Variants in ANXA8 observed in about 807,000 individuals in gnomAD.
The protein encoded by ANXA8 is annexin A8.
Under a neutral mutation model 26.8 loss-of-function variants are expected in ANXA8, and 9 were observed. That is an observed-to-expected ratio of 0.34 (90% CI 0.20 to 0.59). The LOEUF is 0.59. ANXA8 is among the 20% of genes least tolerant of loss of function. The pLI, the probability that ANXA8 is intolerant of heterozygous loss-of-function variation, is 0.84. For missense variants in ANXA8, 83 were observed against 238.5 expected (o/e 0.35, Z 4.29); for synonymous variants, 39 against 94.8 (o/e 0.41, Z 3.42).
chr10:47,657,309 G>A, the ANXA8 span, among the ~76,000 whole-genome samples: 1 of 151,670 alleles, frequency 6.6e-6, no homozygotes, highest in Non-Finnish European at 1.5e-5. Flanking sequence ...TGAAAATATA[G>A]GCATGTGTCA....
At chr10:47,522,037 A>G in the ANXA8 span, among the ~76,000 whole-genome samples, 42 of 150,780 alleles carry the variant, frequency 2.8e-4, no homozygotes, top group Middle Eastern at 0.014. Flanking sequence ...TCCGCCTGCC[A>G]CAGCCTCCCA....
the ANXA8 span, among the ~76,000 whole-genome samples, chr10:47,969,096 A>G: frequency 2.0e-5 from 3 of 150,314 alleles, no homozygotes; most frequent in Non-Finnish European, 4.5e-5. Context: ...ATCGTGCAGG[A>G]GAAAACCAAC....
the ANXA8 span, among the ~76,000 whole-genome samples, chr10:47,937,493 G>T: frequency 6.9e-6 from 1 of 144,884 alleles, no homozygotes; most frequent in East Asian, 2.0e-4. Flanking sequence ...AGGTTTCAGG[G>T]TACATGTGCA....
chr10:47,500,579 C>T, the ANXA8 span, among the ~76,000 whole-genome samples: 2 of 139,280 alleles, frequency 1.4e-5, no homozygotes, highest in African/African-American at 2.7e-5. Flanking sequence ...CCTTCTTTTC[C>T]CTTTGTAATA....
chr10:47,676,774 C>T, the ANXA8 span, among the ~76,000 whole-genome samples: 14 of 149,424 alleles, frequency 9.4e-5, no homozygotes, highest in Admixed American at 3.3e-4. Flanking sequence ...AAAAATTAGC[C>T]GGGTGTGGTG....
the ANXA8 span, among the ~76,000 whole-genome samples, chr10:47,767,794 T>C: frequency 2.0e-4 from 30 of 150,098 alleles, 1 homozygote; most frequent in African/African-American, 6.9e-4. Flanking sequence ...CTGGCAGGAG[T>C]TGTTGAGCAG....
At chr10:47,955,296 G>A in the ANXA8 span, among the ~76,000 whole-genome samples, 1 of 146,428 alleles carries the variant, frequency 6.8e-6, no homozygotes. Context: ...TTTGTAAATT[G>A]CCCAGTCTTG....
the ANXA8 span, among the ~76,000 whole-genome samples, chr10:47,761,177 C>T: frequency 6.6e-6 from 1 of 150,804 alleles, no homozygotes; most frequent in East Asian, 2.0e-4. Context: ...GTCAGCCAGT[C>T]TGGGTTTGGA....
At chr10:47,776,969 G>A in the ANXA8 span, among the ~76,000 whole-genome samples, 2 of 151,858 alleles carry the variant, frequency 1.3e-5, no homozygotes, top group Non-Finnish European at 2.9e-5. Flanking sequence ...CGGAAAAGGC[G>A]GAAGAGGAAG....
the ANXA8 span, among the ~76,000 whole-genome samples, chr10:47,615,015 A>AT: frequency 3.4e-5 from 2 of 58,524 alleles, 1 homozygote. Context: ...ATTTAAAAAT[A>AT]TTTTTTGTAA....
At chr10:47,502,764 C>T in the ANXA8 span, 12 of 1,583,600 alleles carry the variant, frequency 7.6e-6, no homozygotes, top group African/African-American at 1.4e-5. Flanking sequence ...TCAGCTGGGA[C>T]TTGCTTTTAC....
chr10:47,685,623 A>G, the ANXA8 span, among the ~76,000 whole-genome samples: 1 of 151,842 alleles, frequency 6.6e-6, no homozygotes, highest in Non-Finnish European at 1.5e-5. Flanking sequence ...AGATATGTAA[A>G]GCACAGTTGT....
the ANXA8 span, among the ~76,000 whole-genome samples, chr10:47,636,265 T>C: frequency 7.6e-6 from 1 of 131,558 alleles, no homozygotes; most frequent in Admixed American, 7.7e-5. Flanking sequence ...CAAAAAACCA[T>C]GCACTGTGGT....
the ANXA8 span, among the ~76,000 whole-genome samples, chr10:47,737,048 C>G: frequency 1.3e-5 from 2 of 149,738 alleles, no homozygotes; most frequent in African/African-American, 4.9e-5. Flanking sequence ...TTACCTTAGA[C>G]CATTTTTATG....
chr10:47,502,012 G>A, the ANXA8 span: 1 of 1,389,318 alleles, frequency 7.2e-7, no homozygotes, highest in Non-Finnish European at 9.9e-7. Context: ...GAAATTCTGA[G>A]TTATCCTTAT....
chr10:47,490,427 G>C, the ANXA8 span: 4 of 150,984 alleles, frequency 2.6e-5, no homozygotes, highest in Non-Finnish European at 4.4e-5. Context: ...TGGGAGCAGG[G>C]CGCTATCGCG....
the ANXA8 span, among the ~76,000 whole-genome samples, chr10:47,610,677 C>T: frequency 6.7e-6 from 1 of 149,592 alleles, no homozygotes; most frequent in Non-Finnish European, 1.5e-5. Context: ...TTGACTATAC[C>T]TGTGGCAGAA....
chr10:47,485,884 G>A (rs1248718656), upstream of ANXA8, among the ~76,000 whole-genome samples: 1 of 151,822 alleles, frequency 6.6e-6, no homozygotes, highest in Non-Finnish European at 1.5e-5. Flanking sequence ...CAAGACAGGT[G>A]GATCATGAGG....
At chr10:47,649,399 T>C in the ANXA8 span, among the ~76,000 whole-genome samples, 2 of 151,610 alleles carry the variant, frequency 1.3e-5, no homozygotes, top group African/African-American at 4.9e-5. Context: ...TAAATTGGAC[T>C]TTATTAAAAT....
Sources: allele counts gnomAD v4.1 joint callset (sites outside exome capture counted in the v4.1 genomes callset), GRCh38; gene constraint gnomAD v4.1.1; transcripts MANE v1.5; gene names NCBI Gene and HGNC (gene_info 2026-07-23, HGNC 2026-07-21).